The following ZC3H12B variants were observed in gnomAD, a reference collection of about 807,000 sequenced individuals.
ZC3H12B encodes the protein zinc finger CCCH-type containing 12B.
Under a neutral mutation model 43.9 loss-of-function variants are expected in ZC3H12B, and 7 were observed. The ratio of observed to expected loss-of-function variants is 0.16; its 90% CI spans 0.09 to 0.30. The LOEUF (loss-of-function observed/expected upper bound fraction) is 0.30. Ranked by LOEUF, ZC3H12B falls within the 10% of genes least tolerant of loss-of-function variation. ZC3H12B has a pLI of 1.00. For missense variants in ZC3H12B, 475 were observed against 670.2 expected, an observed-to-expected ratio of 0.71 and a Z score of 3.22; for synonymous variants, 222 against 241.7, an observed-to-expected ratio of 0.92 and a Z score of 0.76.
At chrX:65,303,928 A>T in the ZC3H12B span, among the ~76,000 whole-genome samples, 1 of 112,625 alleles carries the variant, frequency 8.9e-6, no homozygotes, top group Admixed American at 9.4e-5. Flanking sequence ...ATACTCTTGG[A>T]TTAGAAGACT....
chrX:65,135,290 A>G, the ZC3H12B span, among the ~76,000 whole-genome samples: 1 of 110,781 alleles, frequency 9.0e-6, no homozygotes, highest in Non-Finnish European at 1.9e-5. Context: ...CTCAAACATA[A>G]TTTGGAAAAC....
rs182782211 is a variant in ZC3H12B at position 65,436,074 on chromosome X, T to A, written n.407+37370T>A. Among the ~76,000 whole-genome samples, 390 of 112,210 alleles carry A rather than the reference T, an allele frequency of 3.5e-3. 1 individual carries two copies. Among genetic ancestry groups the A allele is most frequent in the Non-Finnish European group, 6.2e-3 (331 of 53,205 alleles). ...CATGGTTGGGGAGGCCTCAGGAAACTTACAATCATGCCAGAAGCCAGAAGC... is the reference window on the plus strand; with the variant it reads ...CATGGTTGGGGAGGCCTCAGGAAACATACAATCATGCCAGAAGCCAGAAGC... On this transcript the variant is annotated intron_variant and non_coding_transcript_variant, in intron 3 of 5. Transcript: ENST00000617377.
chrX:65,491,472 C>T (rs1180502316), intron 1 of ZC3H12B, among the ~76,000 whole-genome samples: 2 of 110,723 alleles, frequency 1.8e-5, no homozygotes, highest in African/African-American at 6.6e-5. Context: ...ATTGGGAAGC[C>T]GAGGTGGGAG....
At chrX:65,303,248 G>C in the ZC3H12B span, among the ~76,000 whole-genome samples, 2 of 110,889 alleles carry the variant, frequency 1.8e-5, no homozygotes, top group East Asian at 5.7e-4. Flanking sequence ...GGAGCAAAAA[G>C]AACTATTGAT....
intron 3 of ZC3H12B, among the ~76,000 whole-genome samples, chrX:65,467,177 A>G (rs2067835704): frequency 9.4e-6 from 1 of 106,311 alleles, no homozygotes; most frequent in African/African-American, 3.4e-5. Flanking sequence ...CTTAGCTCCC[A>G]CTTATAAGTG....
chrX:65,193,978 G>C, the ZC3H12B span, among the ~76,000 whole-genome samples: 1 of 110,797 alleles, frequency 9.0e-6, no homozygotes, highest in Non-Finnish European at 1.9e-5. Context: ...CAAATGGGGA[G>C]CCAACACTTC....
chrX:65,319,805 A>C, the ZC3H12B span, among the ~76,000 whole-genome samples: 1 of 111,844 alleles, frequency 8.9e-6, no homozygotes, highest in Non-Finnish European at 1.9e-5. Context: ...TTACATAAAC[A>C]GAACTAAAAA....
chrX:65,436,196 G>A (rs1206266603), intron 3 of ZC3H12B, among the ~76,000 whole-genome samples: 1 of 111,932 alleles, frequency 8.9e-6, no homozygotes, highest in Non-Finnish European at 1.9e-5. Context: ...GATCTTGTGA[G>A]AATTCTGTCA....
chrX:65,386,007 G>A (rs1456423386), intron 2 of ZC3H12B, among the ~76,000 whole-genome samples: 1 of 112,063 alleles, frequency 8.9e-6, no homozygotes, highest in East Asian at 2.8e-4. Flanking sequence ...ACTTGATCAT[G>A]GTGGATAAGC....
At chrX:65,258,669 CAT>C in the ZC3H12B span, among the ~76,000 whole-genome samples, 23 of 111,591 alleles carry the variant, frequency 2.1e-4, no homozygotes, top group Non-Finnish European at 4.1e-4. Flanking sequence ...AAGAAAAACT[CAT>C]AGTCTCTTTC....
chrX:65,236,815 A>C, the ZC3H12B span, among the ~76,000 whole-genome samples: 1 of 111,988 alleles, frequency 8.9e-6, no homozygotes, highest in South Asian at 3.7e-4. Context: ...TTGTCTTCCC[A>C]TTGCTCATTT....
chrX:65,241,077 A>G, the ZC3H12B span, among the ~76,000 whole-genome samples: 5 of 112,018 alleles, frequency 4.5e-5, no homozygotes, highest in Admixed American at 4.7e-4. Flanking sequence ...TTTTGGGTAG[A>G]GCAGGTGTGC....
At chrX:65,324,958 G>A in the ZC3H12B span, among the ~76,000 whole-genome samples, 130 of 110,217 alleles carry the variant, frequency 1.2e-3, 5 homozygotes, top group Non-Finnish European at 1.0e-3. Flanking sequence ...TTAATATTTA[G>A]GTGCTCCAGT....
chrX:65,102,827 C>T, the ZC3H12B span, among the ~76,000 whole-genome samples: 12 of 111,379 alleles, frequency 1.1e-4, no homozygotes, highest in Admixed American at 1.9e-4. Context: ...CATCACATGT[C>T]GGCAGGTTCC....
the ZC3H12B span, among the ~76,000 whole-genome samples, chrX:65,091,399 G>A: frequency 3.6e-5 from 4 of 112,249 alleles, no homozygotes; most frequent in Non-Finnish European, 7.5e-5. Flanking sequence ...AGAACAGCAG[G>A]AGAATAAGTG....
At chrX:65,040,516 G>A in the ZC3H12B span, among the ~76,000 whole-genome samples, 1 of 110,166 alleles carries the variant, frequency 9.1e-6, no homozygotes, top group African/African-American at 3.3e-5. Context: ...GATTTTATAT[G>A]TTTCAAATTT....
chrX:65,497,223 G>T, exon 2 of ZC3H12B: 1 of 1,210,756 alleles, frequency 8.3e-7, no homozygotes, highest in Non-Finnish European at 1.1e-6. Context: ...TACTGTATTT[G>T]TGCCTGCATG....
chrX:65,095,124 C>T, the ZC3H12B span, among the ~76,000 whole-genome samples: 1 of 111,885 alleles, frequency 8.9e-6, no homozygotes, highest in African/African-American at 3.2e-5. Context: ...CTTCTAAATA[C>T]TTAAAAGCTG....
At chrX:65,271,061 AG>A in the ZC3H12B span, 1 of 112,980 alleles carries the variant, frequency 8.9e-6, no homozygotes, top group Non-Finnish European at 1.9e-5. Flanking sequence ...AAAATAGAAA[AG>A]GTGATATGAC....
Sources: gnomAD v4.1 joint callset for allele counts (sites outside exome capture counted in the v4.1 genomes callset) on GRCh38, gnomAD v4.1.1 for gene constraint, MANE v1.5 for transcripts, NCBI Gene and HGNC (gene_info 2026-07-23, HGNC 2026-07-21) for gene names.